Variants in HLCS observed in about 807,000 individuals in gnomAD.
The protein encoded by HLCS is holocarboxylase synthetase, also known as biotin--protein ligase.
HLCS carries 53 observed loss-of-function variants against 75.0 expected under a neutral mutation model. The observed-to-expected ratio is 0.71, with a 90% CI of 0.57 to 0.89. The LOEUF (loss-of-function observed/expected upper bound fraction) is 0.89. Ranked by LOEUF, HLCS falls within the 40% of genes least tolerant of loss-of-function variation. The pLI, the probability that HLCS is intolerant of heterozygous loss-of-function variation, is 0.00. For synonymous variants in HLCS, 431 were observed against 428.6 expected (o/e 1.01, Z -0.07); for missense variants, 966 against 1,074.0 (o/e 0.90, Z 1.41).
At chr21:36,800,362 T>C (rs1392384110) in intron 6 of HLCS, among the ~76,000 whole-genome samples, 3 of 152,040 alleles carry the variant, frequency 2.0e-5, no homozygotes, top group African/African-American at 7.2e-5. Context: ...GAAACAGCAG[T>C]CATTTGAACA....
intron 10 of HLCS, among the ~76,000 whole-genome samples, chr21:36,756,243 C>T (rs572665044): frequency 1.3e-5 from 2 of 149,202 alleles, no homozygotes; most frequent in African/African-American, 2.6e-5. Context: ...TCGAGACCAT[C>T]CTGGCTAACA....
At chr21:36,915,163 G>A (rs1309736260) in intron 5 of HLCS, among the ~76,000 whole-genome samples, 3 of 152,222 alleles carry the variant, frequency 2.0e-5, no homozygotes, top group Admixed American at 6.5e-5. Context: ...ATGGGATCCT[G>A]CCCTCAGCTC....
At chr21:36,793,295 C>CTTTTTTTTTTTTTTTTTTTTTTTTTTTT (rs761549990) in intron 6 of HLCS, among the ~76,000 whole-genome samples, 1 of 116,260 alleles carries the variant, frequency 8.6e-6, no homozygotes, top group African/African-American at 3.2e-5. Context: ...AGGAAGCAGT[C>CTTTTTTTTTTTTTTTTTTTTTTTTTTTT]TTTTTTTTTT....
intron 6 of HLCS, among the ~76,000 whole-genome samples, chr21:36,792,214 C>T (rs775143956): frequency 3.3e-5 from 5 of 152,072 alleles, no homozygotes; most frequent in Non-Finnish European, 5.9e-5. Flanking sequence ...GCGGCTACCC[C>T]GCAGGCTCCC....
At chr21:36,888,449 TA>T (rs2064605726) in intron 6 of HLCS, among the ~76,000 whole-genome samples, 1 of 14,524 alleles carries the variant, frequency 6.9e-5, no homozygotes, top group East Asian at 2.1e-3. Context: ...AAAAAAAATA[TA>T]TATATATATA....
intron 6 of HLCS, among the ~76,000 whole-genome samples, chr21:36,882,674 G>A (rs75421902): frequency 0.076 from 11,144 of 145,720 alleles, 767 homozygotes; most frequent in East Asian, 0.24. Flanking sequence ...TGTTAACCAG[G>A]ATGGCCTCGA....
chr21:36,876,758 G>C (rs1173652151), intron 6 of HLCS, among the ~76,000 whole-genome samples: 1 of 152,192 alleles, frequency 6.6e-6, no homozygotes, highest in Non-Finnish European at 1.5e-5. Context: ...TTAGGTATCA[G>C]GAAGGTGAAA....
chr21:36,953,655 C>T (rs1234098559), intron 2 of HLCS, among the ~76,000 whole-genome samples: 5 of 152,130 alleles, frequency 3.3e-5, no homozygotes, highest in Admixed American at 1.3e-4. Flanking sequence ...ATTAAAAGCA[C>T]GGCAGTCATT....
chr21:36,759,757 G>C lies in HLCS; in HGVS notation c.2206C>G (p.Leu736Val). The part of the protein sequence containing the change: ...KIGGVLVNST[L>V]MGETFYILIG... ...AGTATATAAAATGTTTCTCCCATGA[G>C]TGTTGAGTTAACCAGAACTCCGCCG... The change falls in exon 9 of 11, where the codon CTC becomes GTC. Residue 736 changes from leucine to valine, a missense_variant. By Grantham distance (32) the Leu-to-Val change is conservative. Coordinates refer to ENST00000674895, the MANE Select transcript of HLCS (RefSeq NM_001352514.2). 6.2e-7 allele frequency: 1 copy of C among 1,609,150 alleles called. No homozygotes were observed. Among genetic ancestry groups the C allele is most frequent in the African/African-American group, 1.3e-5 (1 of 74,958 alleles).
At chr21:36,942,005 C>CA (rs1349544410) in intron 2 of HLCS, among the ~76,000 whole-genome samples, 186 of 143,204 alleles carry the variant, frequency 1.3e-3, no homozygotes, top group East Asian at 8.5e-3. Flanking sequence ...GAAACTGTCT[C>CA]AAAAAAAAAA....
intron 5 of HLCS, among the ~76,000 whole-genome samples, chr21:36,924,746 G>A (rs568489712): frequency 1.3e-5 from 2 of 152,218 alleles, no homozygotes; most frequent in East Asian, 1.9e-4. Flanking sequence ...CCACAAAGAC[G>A]AGGAATTATC....
At chr21:36,865,549 C>T (rs998277171) in intron 6 of HLCS, among the ~76,000 whole-genome samples, 4 of 152,318 alleles carry the variant, frequency 2.6e-5, no homozygotes, top group Admixed American at 2.6e-4. Context: ...CGGCTTTCTC[C>T]TCCCCAGCTC....
chr21:36,968,607 T>C (rs2068703699), upstream of HLCS: 1 of 152,262 alleles, frequency 6.6e-6, no homozygotes, highest in South Asian at 2.1e-4. Flanking sequence ...CTTAAAATTG[T>C]GTCACTGGAG....
intron 7 of HLCS, among the ~76,000 whole-genome samples, chr21:36,766,167 G>A (rs772640560): frequency 6.6e-6 from 1 of 152,132 alleles, no homozygotes; most frequent in Non-Finnish European, 1.5e-5. Context: ...GGGACTACAG[G>A]TGAGTACCAC....
intron 6 of HLCS, among the ~76,000 whole-genome samples, chr21:36,795,285 G>A (rs944525291): frequency 6.6e-6 from 1 of 152,162 alleles, no homozygotes; most frequent in Non-Finnish European, 1.5e-5. Context: ...CGTCTTCTGC[G>A]AGGACACATT....
intron 6 of HLCS, among the ~76,000 whole-genome samples, chr21:36,815,908 A>T (rs2061650879): frequency 1.3e-5 from 2 of 152,234 alleles, no homozygotes; most frequent in Non-Finnish European, 2.9e-5. Flanking sequence ...CTTGTCATTC[A>T]TAGAAGCCTA....
chr21:36,948,335 GAA>G (rs966735316), intron 2 of HLCS: 2 of 150,894 alleles, frequency 1.3e-5, no homozygotes, highest in African/African-American at 4.9e-5. Context: ...AGACTAAAGG[GAA>G]AAAGTTATTT....
intron 5 of HLCS, among the ~76,000 whole-genome samples, chr21:36,913,742 G>A (rs2065816660): frequency 1.3e-5 from 2 of 152,010 alleles, no homozygotes; most frequent in South Asian, 4.2e-4. Context: ...CTCCAGCCTG[G>A]GCAACAAAGA....
At chr21:36,759,092 G>C (rs2145741687) in intron 9 of HLCS, 4 of 470,998 alleles carry the variant, frequency 8.5e-6, no homozygotes, top group Non-Finnish European at 1.8e-5. Flanking sequence ...GTATTCCCTG[G>C]CTGGCACTTG....
Sources: gnomAD v4.1 joint callset for allele counts (sites outside exome capture counted in the v4.1 genomes callset) on GRCh38, gnomAD v4.1.1 for gene constraint, MANE v1.5 for transcripts, NCBI Gene and HGNC (gene_info 2026-07-23, HGNC 2026-07-21) for gene names.